Variants in ELFN2 observed in about 807,000 individuals in gnomAD.
ELFN2 encodes the protein protein phosphatase 1 regulatory subunit 29.
Under a neutral mutation model 45.5 loss-of-function variants are expected in ELFN2, and 17 were observed. The ratio of observed to expected loss-of-function variants is 0.37; its 90% CI spans 0.26 to 0.56. The LOEUF (loss-of-function observed/expected upper bound fraction) is 0.56. Among genes scored for constraint, ELFN2 ranks in the 20% least tolerant of loss-of-function variants. The pLI is 0.77. For missense variants in ELFN2, 922 were observed against 1,183.2 expected (o/e 0.78, Z 3.24); for synonymous variants, 550 against 551.5 (o/e 1.00, Z 0.04).
intron 2 of ELFN2, among the ~76,000 whole-genome samples, chr22:37,387,360 G>C (rs778771920): frequency 1.1e-4 from 16 of 152,134 alleles, no homozygotes; most frequent in Non-Finnish European, 2.2e-4. Flanking sequence ...CAAGATCCTG[G>C]TGTATGGTAA....
intron 2 of ELFN2, among the ~76,000 whole-genome samples, chr22:37,405,013 C>T (rs1932459228): frequency 6.6e-6 from 1 of 151,476 alleles, no homozygotes; most frequent in Non-Finnish European, 1.5e-5. Flanking sequence ...GGGCCTCAGG[C>T]CCTGGGCTGA....
intron 2 of ELFN2, among the ~76,000 whole-genome samples, chr22:37,397,956 C>T (rs1432416204): frequency 1.3e-5 from 2 of 152,208 alleles, no homozygotes; most frequent in African/African-American, 4.8e-5. Context: ...GAGCGGACGT[C>T]TGCACTGGTC....
chr22:37,395,181 C>T (rs192783857), intron 2 of ELFN2, among the ~76,000 whole-genome samples: 34 of 151,104 alleles, frequency 2.3e-4, no homozygotes, highest in East Asian at 1.4e-3. Context: ...GATGAGAAAA[C>T]GGAGGCTCAG....
chr22:37,411,417 G>C (rs115691961), intron 2 of ELFN2, among the ~76,000 whole-genome samples: 3,109 of 152,210 alleles, frequency 0.02, 40 homozygotes, highest in Middle Eastern at 0.051. Flanking sequence ...GGGGTCCCTG[G>C]AGAGCCCCCA....
At chr22:37,407,207 T>C (rs955070124) in intron 2 of ELFN2, among the ~76,000 whole-genome samples, 3 of 152,128 alleles carry the variant, frequency 2.0e-5, no homozygotes, top group East Asian at 1.9e-4. Flanking sequence ...CCAGGAAGCC[T>C]GCGTTCAATT....
chr22:37,349,441 T>C (rs1047251469), intron 1 of ELFN2, among the ~76,000 whole-genome samples: 1 of 151,074 alleles, frequency 6.6e-6, no homozygotes, highest in African/African-American at 2.4e-5. Flanking sequence ...TGTTTGGAGG[T>C]TCCTGAGAGG....
At chr22:37,424,543 A>T (rs1932833790) in intron 1 of ELFN2, among the ~76,000 whole-genome samples, 1 of 168 alleles carries the variant, frequency 6.0e-3, no homozygotes, top group African/African-American at 0.026. Context: ...CTCCAGCCAG[A>T]GACTCTTGGC....
At chr22:37,342,147 G>A (rs923334133) in intron 2 of ELFN2, among the ~76,000 whole-genome samples, 8 of 152,132 alleles carry the variant, frequency 5.3e-5, no homozygotes, top group African/African-American at 1.2e-4. Context: ...TGGGTCCCTG[G>A]AGACCGAGCA....
Position 37,343,680 on chromosome 22 carries a change from G to A in ELFN2, n.149-977C>T, listed in dbSNP as rs1001517962. Among the ~76,000 whole-genome samples, 16 of 151,854 alleles carry A rather than the reference G, an allele frequency of 1.1e-4. No homozygotes were observed. In the South Asian group the frequency reaches 3.3e-3, roughly 32 times the overall value. On this transcript the variant is annotated intron_variant and non_coding_transcript_variant, in intron 1 of 2. Transcript: ENST00000452946. Reference sequence around the variant, plus strand: ...AGGAGGGAGTGCAGAGAGCGGTCTTGGCTGGCACCCACCCCTTGGCTCCCA... The same window carrying A: ...AGGAGGGAGTGCAGAGAGCGGTCTTAGCTGGCACCCACCCCTTGGCTCCCA...
chr22:37,397,563 T>G (rs1161358123), intron 2 of ELFN2, among the ~76,000 whole-genome samples: 1 of 152,148 alleles, frequency 6.6e-6, no homozygotes, highest in Non-Finnish European at 1.5e-5. Flanking sequence ...AGGGGGAACG[T>G]GGACAGAGCC....
At chr22:37,364,810 A>T (rs1206672090), downstream of ELFN2, among the ~76,000 whole-genome samples, 1 of 152,218 alleles carries the variant, frequency 6.6e-6, no homozygotes, top group South Asian at 2.1e-4. Flanking sequence ...GGAAGCAAGG[A>T]GGCTGGGGCT....
At chr22:37,350,554 C>T (rs1008042701) in intron 1 of ELFN2, among the ~76,000 whole-genome samples, 7 of 150,780 alleles carry the variant, frequency 4.6e-5, no homozygotes, top group Admixed American at 2.0e-4. Context: ...GCCTCCCCAC[C>T]GCAGGGCCCT....
chr22:37,402,783 G>C (rs1932397996), intron 2 of ELFN2, among the ~76,000 whole-genome samples: 1 of 152,188 alleles, frequency 6.6e-6, no homozygotes, highest in Non-Finnish European at 1.5e-5. Context: ...GTGGGTCCCA[G>C]GACCAGGCAG....
intron 2 of ELFN2, among the ~76,000 whole-genome samples, chr22:37,341,558 C>T (rs1462251677): frequency 1.3e-5 from 2 of 152,204 alleles, no homozygotes; most frequent in Non-Finnish European, 2.9e-5. Context: ...GCCATATTTC[C>T]AACGTGGTTG....
At chr22:37,400,888 T>C (rs1932344418) in intron 2 of ELFN2, among the ~76,000 whole-genome samples, 1 of 152,254 alleles carries the variant, frequency 6.6e-6, no homozygotes, top group African/African-American at 2.4e-5. Context: ...TGGAAGGGAC[T>C]TGTAATCCCT....
In ELFN2 at chr22:37,425,558, T is replaced by C. The variant is rs902814589; in HGVS notation, c.-614+1740A>G. Among the ~76,000 whole-genome samples the C allele has an allele frequency of 6.7e-5, 10 of 150,190 alleles. 1 individual carries two copies. Among genetic ancestry groups the C allele is most frequent in the Non-Finnish European group, 1.0e-4 (7 of 67,836 alleles). Reference sequence around the variant, plus strand: ...TGGGGGGAGCAACCTCCGACAAAACTGTCCCAGTGACGTCACCTGCGGCCT... The same window carrying C: ...TGGGGGGAGCAACCTCCGACAAAACCGTCCCAGTGACGTCACCTGCGGCCT... On this transcript the variant is annotated intron_variant, in intron 1 of 2. Transcript: ENST00000402918.
chr22:37,343,472 T>A (rs904443189), intron 1 of ELFN2, among the ~76,000 whole-genome samples: 49 of 152,054 alleles, frequency 3.2e-4, no homozygotes, highest in Non-Finnish European at 2.2e-4. Context: ...GCCTCCAGTC[T>A]GAGGTTTCTG....
At chr22:37,396,590 AC>A (rs1376665820) in intron 2 of ELFN2, among the ~76,000 whole-genome samples, 1 of 152,128 alleles carries the variant, frequency 6.6e-6, no homozygotes, top group Non-Finnish European at 1.5e-5. Context: ...AGGAAACTGA[AC>A]CCAGAGAGGA....
rs73408402 is a variant in ELFN2 at position 37,349,079 on chromosome 22, C to T, written n.149-6376G>A. Reference sequence around the variant, plus strand: ...ATCTCTTCTGCATGCCACGCGCTAGCCTGGGCTGGGCCGGTTGACTCTGAT... The same window carrying T: ...ATCTCTTCTGCATGCCACGCGCTAGTCTGGGCTGGGCCGGTTGACTCTGAT... On this transcript the variant is annotated intron_variant and non_coding_transcript_variant, in intron 1 of 2. Coordinates refer to ENST00000452946, the Ensembl canonical transcript of ELFN2. Among the ~76,000 whole-genome samples, 1,015 of 151,414 alleles carry T rather than the reference C, an allele frequency of 6.7e-3. 23 individuals are homozygous for T. Among genetic ancestry groups the T allele is most frequent in the African/African-American group, 0.023 (969 of 41,550 alleles).
Sources: gnomAD v4.1 joint callset for allele counts (sites outside exome capture counted in the v4.1 genomes callset) on GRCh38, gnomAD v4.1.1 for gene constraint, MANE v1.5 for transcripts, NCBI Gene and HGNC (gene_info 2026-07-23, HGNC 2026-07-21) for gene names.